The following PTPN4 variants were observed in gnomAD, a reference collection of about 807,000 sequenced individuals.
The protein encoded by PTPN4 is protein tyrosine phosphatase non-receptor type 4, also known as tyrosine-protein phosphatase non-receptor type 4.
PTPN4 carries 49 observed loss-of-function variants against 135.5 expected under a neutral mutation model. That is an observed-to-expected ratio of 0.36 (90% CI 0.29 to 0.46). The LOEUF (loss-of-function observed/expected upper bound fraction) is 0.46, where lower values mean the gene tolerates loss of function less well. Ranked by LOEUF, PTPN4 falls within the 20% of genes least tolerant of loss-of-function variation. The pLI, the probability that PTPN4 is intolerant of heterozygous loss-of-function variation, is 1.00. For missense variants in PTPN4, 860 were observed against 1,101.0 expected (o/e 0.78, Z 3.10); for synonymous variants, 333 against 369.9 (o/e 0.90, Z 1.14).
chr2:119,888,971 G>A (rs528874766), intron 9 of PTPN4, among the ~76,000 whole-genome samples: 1 of 152,130 alleles, frequency 6.6e-6, no homozygotes, highest in Non-Finnish European at 1.5e-5. Flanking sequence ...GCGTTTCTGT[G>A]TTGGGAGACT....
intron 2 of PTPN4, among the ~76,000 whole-genome samples, chr2:119,823,385 C>G (rs1005104795): frequency 6.6e-6 from 1 of 152,116 alleles, no homozygotes; most frequent in Non-Finnish European, 1.5e-5. Context: ...CAGGTGCCCG[C>G]CACCACGCCC....
At chr2:119,896,298 A>G (rs1353301861) in intron 9 of PTPN4, among the ~76,000 whole-genome samples, 1 of 152,126 alleles carries the variant, frequency 6.6e-6, no homozygotes, top group African/African-American at 2.4e-5. Context: ...TATTTGACTC[A>G]CAGTAACTGA....
At chr2:119,907,738 C>G (rs1678511011) in intron 10 of PTPN4, among the ~76,000 whole-genome samples, 1 of 152,122 alleles carries the variant, frequency 6.6e-6, no homozygotes, top group African/African-American at 2.4e-5. Context: ...CAGCATGGTA[C>G]TGGTATTAAA....
intron 1 of PTPN4, among the ~76,000 whole-genome samples, chr2:119,784,314 A>C (rs1449990805): frequency 7.0e-6 from 1 of 142,326 alleles, no homozygotes; most frequent in African/African-American, 2.7e-5. Context: ...TCCTGGGCTC[A>C]ATCAGTCTTC....
intron 24 of PTPN4, among the ~76,000 whole-genome samples, chr2:119,963,006 C>A (rs1449760264): frequency 6.6e-6 from 1 of 151,962 alleles, no homozygotes; most frequent in Non-Finnish European, 1.5e-5. Flanking sequence ...ACTACTGTTA[C>A]TACTTTGCTT....
rs751401604 is a variant in PTPN4, at chr2:119,882,576, A to G, written c.540A>G (p.Gln180=). ...YLSDYSFIPN[Q]PQDFEKEIAK... ...CAGATTATTCTTTCATTCCTAATCA[A>G]CCTCAAGATTTTGAAAAAGAAATTG... Residue 180 remains glutamine, a synonymous_variant, in exon 8 of 27, where the codon CAA becomes CAG. Coordinates refer to ENST00000263708, the MANE Select transcript of PTPN4 (RefSeq NM_002830.4). 2.6e-6 allele frequency: 4 copies of G among 1,563,606 alleles called. No individual in the cohort carries two copies. The African/African-American group carries it at 5.5e-5, about 21-fold the overall frequency.
intron 2 of PTPN4, among the ~76,000 whole-genome samples, chr2:119,816,481 A>G (rs934502595): frequency 2.6e-5 from 4 of 152,068 alleles, no homozygotes; most frequent in East Asian, 3.9e-4. Context: ...ATGGAAGACA[A>G]TTTTTCATCG....
rs1458622789 is a variant in PTPN4 at position 119,984,167 on chromosome 2, T to C, written c.*7097T>C. Among the ~76,000 whole-genome samples, 4 of 152,254 alleles carry C rather than the reference T, an allele frequency of 2.6e-5. No homozygotes were observed. Among genetic ancestry groups the C allele is most frequent in the Non-Finnish European group, 5.9e-5 (4 of 68,042 alleles). ...TGTAATCTTTTCAAATAAGAAAAGC[T>C]ACTCCTTATTCTCTACAGTGTAGGC... On this transcript the variant is annotated 3_prime_UTR_variant, in exon 27 of 27. Coordinates refer to ENST00000263708, the MANE Select transcript of PTPN4 (RefSeq NM_002830.4).
chr2:119,977,161 C>T lies in PTPN4; in HGVS notation c.*91C>T. The T allele has an allele frequency of 1.6e-6, 2 of 1,248,922 alleles. No homozygotes were observed. The highest frequency in any genetic ancestry group is 4.7e-5 in the South Asian group (2 of 42,866). 77.4% of individuals were successfully genotyped at this position (1,248,922 alleles called of 1,614,324 possible). A position where few individuals can be genotyped will look rare whatever the true frequency, so the allele number is the denominator to read the frequency against. On this transcript the variant is annotated 3_prime_UTR_variant, in exon 27 of 27. Coordinates refer to ENST00000263708, the MANE Select transcript of PTPN4 (RefSeq NM_002830.4). ...GCTGCTCGCAGGAAATGGCATTTTA[C>T]AAAAAAAAAATGAAGAACTCAAAAA... is the stretch of plus-strand genomic sequence containing the variant.
intron 2 of PTPN4, among the ~76,000 whole-genome samples, chr2:119,813,134 C>T (rs575747804): frequency 4.6e-5 from 7 of 152,274 alleles, no homozygotes; most frequent in East Asian, 1.9e-4. Context: ...TAGAATCATT[C>T]GAAGGCTTAT....
chr2:119,937,910 C>T (rs949711711), intron 15 of PTPN4, among the ~76,000 whole-genome samples: 2 of 151,078 alleles, frequency 1.3e-5, no homozygotes, highest in African/African-American at 2.4e-5. Flanking sequence ...GTCACTGCAC[C>T]TCAGCCTGGA....
chr2:119,917,170 A>T (rs750799044), intron 11 of PTPN4, among the ~76,000 whole-genome samples: 1 of 152,198 alleles, frequency 6.6e-6, no homozygotes, highest in Non-Finnish European at 1.5e-5. Flanking sequence ...AGAACTTACT[A>T]TGTGCCTGGT....
At chr2:119,883,346 T>A (rs1044063691) in intron 8 of PTPN4, among the ~76,000 whole-genome samples, 1 of 152,194 alleles carries the variant, frequency 6.6e-6, no homozygotes, top group Admixed American at 6.5e-5. Flanking sequence ...TTTCAAAACT[T>A]GAAAAAATCT....
At chr2:119,920,994 C>G (rs1678728342) in intron 12 of PTPN4, among the ~76,000 whole-genome samples, 1 of 152,066 alleles carries the variant, frequency 6.6e-6, no homozygotes, top group Non-Finnish European at 1.5e-5. Context: ...ATAAATAAAA[C>G]CCTTGGCCAG....
chr2:119,973,343 CCTTT>C (rs1679564085), intron 26 of PTPN4, among the ~76,000 whole-genome samples: 2 of 152,236 alleles, frequency 1.3e-5, no homozygotes, highest in Non-Finnish European at 2.9e-5. Flanking sequence ...GAATTTCCTT[CCTTT>C]CTAAGGGTGA....
intron 26 of PTPN4, among the ~76,000 whole-genome samples, chr2:119,969,592 T>C (rs1558778226): frequency 7.6e-6 from 1 of 131,126 alleles, no homozygotes; most frequent in Non-Finnish European, 1.6e-5. Context: ...GGAGTCTCGC[T>C]TTGTCGCCCA....
chr2:119,931,279 A>G (rs1311054197), intron 13 of PTPN4, among the ~76,000 whole-genome samples: 1 of 152,062 alleles, frequency 6.6e-6, no homozygotes, highest in African/African-American at 2.4e-5. Flanking sequence ...GAAATAACAT[A>G]TATTTTCAGC....
intron 2 of PTPN4, 145 bp from the exon 3 acceptor site, chr2:119,862,391 A>G (rs925508315): frequency 1.6e-6 from 1 of 627,692 alleles, no homozygotes; most frequent in African/African-American, 1.9e-5. Context: ...GGTCATTGCC[A>G]AGGCCTGATT....
At chr2:119,843,069 C>T (rs1178784591) in intron 2 of PTPN4, among the ~76,000 whole-genome samples, 6 of 152,120 alleles carry the variant, frequency 3.9e-5, no homozygotes, top group African/African-American at 1.4e-4. Flanking sequence ...TGATTCTTGT[C>T]TGTCTATTGA....
Sources: allele counts gnomAD v4.1 joint callset (sites outside exome capture counted in the v4.1 genomes callset), GRCh38; gene constraint gnomAD v4.1.1; transcripts MANE v1.5; gene names NCBI Gene and HGNC (gene_info 2026-07-23, HGNC 2026-07-21).